GPC5: variants seen among roughly 807,000 people sequenced by gnomAD.
GPC5 encodes glypican 5, also known as glypican-5.
Under a neutral mutation model 53.9 loss-of-function variants are expected in GPC5, and 47 were observed. The ratio of observed to expected loss-of-function variants is 0.87; its 90% confidence interval spans 0.69 to 1.11. GPC5 has a LOEUF of 1.11. GPC5 is among the 50% of genes most tolerant of loss of function. The probability of loss-of-function intolerance (pLI) is 0.00; values close to 1 mark genes in which losing one functional copy is unlikely to be tolerated. For synonymous variants in GPC5, 286 were observed against 263.3 expected, an observed-to-expected ratio of 1.09 and a Z score of -0.84; for missense variants, 748 against 713.1, an observed-to-expected ratio of 1.05 and a Z score of -0.56.
intron 7 of GPC5, among the ~76,000 whole-genome samples, chr13:92,291,164 C>G (rs972723599): frequency 6.6e-6 from 1 of 152,130 alleles, no homozygotes; most frequent in Non-Finnish European, 1.5e-5. Context: ...GGAGCCTCCC[C>G]GAGGAGCGCC....
intron 5 of GPC5, among the ~76,000 whole-genome samples, chr13:91,781,671 T>G (rs2037800836): frequency 6.6e-6 from 1 of 152,224 alleles, no homozygotes; most frequent in African/African-American, 2.4e-5. Context: ...TAGGCATATC[T>G]TCCTCATTTT....
chr13:91,934,198 G>A (rs1313439953), intron 6 of GPC5, among the ~76,000 whole-genome samples: 1 of 151,806 alleles, frequency 6.6e-6, no homozygotes, highest in Admixed American at 6.6e-5. Flanking sequence ...TACCAAAATG[G>A]GAAAAATCAG....
chr13:92,022,150 C>A (rs1172917301), intron 6 of GPC5, among the ~76,000 whole-genome samples: 2 of 152,034 alleles, frequency 1.3e-5, no homozygotes, highest in East Asian at 1.9e-4. Context: ...TAGGCACGTG[C>A]TACCACACCC....
At chr13:91,898,999 T>C (rs2039470896) in intron 5 of GPC5, among the ~76,000 whole-genome samples, 1 of 152,080 alleles carries the variant, frequency 6.6e-6, no homozygotes, top group African/African-American at 2.4e-5. Flanking sequence ...TTGGTCATAT[T>C]TGAATATTGT....
At chr13:92,172,919 T>A (rs2042080784) in intron 7 of GPC5, among the ~76,000 whole-genome samples, 1 of 149,972 alleles carries the variant, frequency 6.7e-6, no homozygotes, top group African/African-American at 2.4e-5. Context: ...CTAGGGTTTT[T>A]TTAATTAAAA....
chr13:92,091,197 G>T (rs998783366), intron 6 of GPC5, among the ~76,000 whole-genome samples: 2 of 152,084 alleles, frequency 1.3e-5, no homozygotes, highest in Non-Finnish European at 2.9e-5. Flanking sequence ...CCATAAGAAG[G>T]CCCCATCTTT....
At chr13:92,422,214 C>T (rs1319151614) in intron 7 of GPC5, among the ~76,000 whole-genome samples, 2 of 151,922 alleles carry the variant, frequency 1.3e-5, no homozygotes, top group African/African-American at 4.8e-5. Context: ...CTGAAGAGAA[C>T]TTTAGCTTGT....
intron 5 of GPC5, among the ~76,000 whole-genome samples, chr13:91,835,151 G>A (rs1291792919): frequency 3.9e-5 from 6 of 152,088 alleles, no homozygotes; most frequent in African/African-American, 1.2e-4. Flanking sequence ...ATCATCACTG[G>A]TCATTAGAGA....
intron 2 of GPC5, among the ~76,000 whole-genome samples, chr13:91,623,912 G>A (rs1464696596): frequency 1.3e-5 from 2 of 152,036 alleles, no homozygotes; most frequent in South Asian, 2.1e-4. Context: ...GGAATATATT[G>A]TCCTAAGAGA....
At chr13:92,387,621 T>C (rs1874800188) in intron 7 of GPC5, among the ~76,000 whole-genome samples, 2 of 152,084 alleles carry the variant, frequency 1.3e-5, no homozygotes, top group Admixed American at 6.6e-5. Flanking sequence ...GTTACCTGTG[T>C]GTGGGAATAT....
intron 7 of GPC5, among the ~76,000 whole-genome samples, chr13:92,668,210 T>C (rs1203851499): frequency 6.6e-6 from 1 of 152,156 alleles, no homozygotes; most frequent in Non-Finnish European, 1.5e-5. Flanking sequence ...TTGACTATTG[T>C]CATTGTAGAA....
chr13:92,602,739 A>T (rs1423294028), intron 7 of GPC5, among the ~76,000 whole-genome samples: 3 of 152,220 alleles, frequency 2.0e-5, no homozygotes, highest in Non-Finnish European at 1.5e-5. Flanking sequence ...TAACCTAATT[A>T]TCTATGACAA....
chr13:91,676,689 G>A (rs998228885), intron 2 of GPC5, among the ~76,000 whole-genome samples: 3 of 152,112 alleles, frequency 2.0e-5, no homozygotes, highest in Admixed American at 1.3e-4. Context: ...AACAGGCTTC[G>A]TGCTTTCAGG....
At position 91,908,052 on chromosome 13, in the gene GPC5, G is replaced by A. The variant is rs1478964060; in HGVS notation, c.1396G>A (p.Val466Ile). 6.4e-7 allele frequency: 1 copy of A among 1,574,522 alleles called. No homozygotes were observed. The highest frequency in any genetic ancestry group is 2.3e-5 in the East Asian group (1 of 43,786). The change falls in exon 6 of 8, where the codon GTT (valine) becomes ATT (isoleucine). Residue 466 changes from valine (V) to isoleucine (I), a missense_variant. Physicochemically the swap from Val to Ile is conservative, Grantham distance 29. Coordinates refer to ENST00000377067, the MANE Select transcript of GPC5 (RefSeq NM_004466.6). Reference protein sequence around the residue: ...NQIIDKLKHVVQLLQGRSPKP... With the variant: ...NQIIDKLKHVIQLLQGRSPKP... ...GATTATTGATAAACTGAAGCATGTTGTTCAGGTAAGTCCTGATCCTATATT... is the reference window on the plus strand; with the variant it reads ...GATTATTGATAAACTGAAGCATGTTATTCAGGTAAGTCCTGATCCTATATT...
intron 7 of GPC5, among the ~76,000 whole-genome samples, chr13:92,296,490 T>C (rs1378432756): frequency 6.6e-6 from 1 of 152,154 alleles, no homozygotes; most frequent in East Asian, 1.9e-4. Context: ...TAGTGAGAGG[T>C]AACAGCATGC....
intron 7 of GPC5, among the ~76,000 whole-genome samples, chr13:92,370,178 A>G (rs955539497): frequency 6.6e-6 from 1 of 152,238 alleles, no homozygotes; most frequent in Non-Finnish European, 1.5e-5. Flanking sequence ...TCAATGTTTC[A>G]TGGACATTTA....
intron 7 of GPC5, among the ~76,000 whole-genome samples, chr13:92,819,905 A>G (rs1158645392): frequency 6.6e-6 from 1 of 151,998 alleles, no homozygotes; most frequent in Non-Finnish European, 1.5e-5. Flanking sequence ...GAAAAAAAAT[A>G]TTTTTTTCTG....
intron 7 of GPC5, among the ~76,000 whole-genome samples, chr13:92,534,108 G>C (rs987421999): frequency 6.6e-6 from 1 of 152,048 alleles, no homozygotes; most frequent in Admixed American, 6.6e-5. Context: ...GCAATATAGT[G>C]AGATTTTATC....
At chr13:92,378,073 T>TAA (rs1264556314) in intron 7 of GPC5, among the ~76,000 whole-genome samples, 9 of 152,124 alleles carry the variant, frequency 5.9e-5, no homozygotes, top group Non-Finnish European at 1.2e-4. Context: ...CATATTTCCT[T>TAA]AAAGTTTGAA....
Sources: gnomAD v4.1 joint callset for allele counts (sites outside exome capture counted in the v4.1 genomes callset) on GRCh38, gnomAD v4.1.1 for gene constraint, MANE v1.5 for transcripts, NCBI Gene and HGNC (gene_info 2026-07-23, HGNC 2026-07-21) for gene names.